Variants in ANKAR observed in about 807,000 individuals in gnomAD.
ANKAR encodes ankyrin and armadillo repeat containing.
Under a neutral mutation model 146.2 loss-of-function variants are expected in ANKAR, and 136 were observed. The observed-to-expected ratio is 0.93, with a 90% CI of 0.81 to 1.07. The LOEUF is 1.07. Among genes scored for constraint, ANKAR ranks in the 50% least tolerant of loss-of-function variants. The probability of loss-of-function intolerance (pLI) is 0.00; values close to 1 mark genes in which losing one functional copy is unlikely to be tolerated. For synonymous variants in ANKAR, 500 were observed against 575.8 expected, an observed-to-expected ratio of 0.87 and a Z score of 1.88; for missense variants, 1,567 against 1,679.9, an observed-to-expected ratio of 0.93 and a Z score of 1.18.
intron 20 of ANKAR, among the ~76,000 whole-genome samples, 162 bp downstream of exon 20, chr2:189,741,613 G>T (rs1217859758): frequency 6.6e-6 from 1 of 151,868 alleles, no homozygotes; most frequent in African/African-American, 2.4e-5. Context: ...ATATAATATA[G>T]TTCTTGTTAC....
chr2:189,753,183 G>T (rs2045555152), intron 18 of ANKAR: 2 of 341,908 alleles, frequency 5.8e-6, no homozygotes. Context: ...AACATTACTA[G>T]CATTTTTGTA....
chr2:189,746,358 T>C (rs13002216), intron 22 of ANKAR, 22 bp from the exon 23 acceptor site: 1,129,359 of 1,587,486 alleles, frequency 0.71, 412,560 homozygotes, highest in South Asian at 0.76. Flanking sequence ...AGGAGAGACA[T>C]TTAATTGTGG....
intron 8 of ANKAR, 128 bp from the exon 9 acceptor site, chr2:189,706,810 A>T: frequency 1.5e-6 from 1 of 649,870 alleles, no homozygotes; most frequent in Non-Finnish European, 2.6e-6. Flanking sequence ...AATACGGAAG[A>T]TGAGAATTCC....
chr2:189,733,522 C>T (rs2042589761), intron 17 of ANKAR, among the ~76,000 whole-genome samples: 1 of 152,172 alleles, frequency 6.6e-6, no homozygotes, highest in Non-Finnish European at 1.5e-5. Context: ...TATGCCCTTT[C>T]AGCCCTCAGT....
intron 2 of ANKAR, among the ~76,000 whole-genome samples, chr2:189,682,565 C>T (rs755127065): frequency 8.5e-5 from 13 of 152,170 alleles, no homozygotes; most frequent in Non-Finnish European, 1.8e-4. Flanking sequence ...GGCCAATGGT[C>T]AGACTCTAAG....
intron 3 of ANKAR, among the ~76,000 whole-genome samples, chr2:189,691,351 C>G (rs534107432): frequency 1.3e-5 from 2 of 152,058 alleles, no homozygotes; most frequent in Non-Finnish European, 2.9e-5. Flanking sequence ...CCGCCGCGCC[C>G]GGGAGAGAAA....
chr2:189,759,494 C>T (rs2106070758), intron 18 of ANKAR, among the ~76,000 whole-genome samples: 1 of 152,286 alleles, frequency 6.6e-6, no homozygotes, highest in South Asian at 2.1e-4. Flanking sequence ...TCATGGTCCA[C>T]TTGCCTCGGC....
At chr2:189,757,701 G>A (rs1254839396) in intron 18 of ANKAR, among the ~76,000 whole-genome samples, 1 of 152,176 alleles carries the variant, frequency 6.6e-6, no homozygotes, top group Non-Finnish European at 1.5e-5. Context: ...CCACTTATAT[G>A]GTGAGCTGTT....
At chr2:189,738,193 C>A (rs1437821585) in intron 18 of ANKAR, among the ~76,000 whole-genome samples, 1 of 152,126 alleles carries the variant, frequency 6.6e-6, no homozygotes, top group African/African-American at 2.4e-5. Flanking sequence ...AACTGCAAAT[C>A]TTTAGTTGAT....
At position 189,728,413 on chromosome 2, in the gene ANKAR, G is replaced by A; in HGVS notation, c.3024G>A (p.Gln1008=). Residue 1008 remains glutamine, a synonymous_variant, in exon 14 of 23, where the codon CAG becomes CAA. Transcript: ENST00000684021. ...TTTTGTCACCATCAGCTAAAATGCA[G>A]TATGTTGGTAAGTTATTTTCCTTAT... ...NMLLSPSAKM[Q]YVGGEAVIAL... is the part of the protein sequence containing the mutation. 1 of 1,593,156 alleles carries A rather than the reference G, an allele frequency of 6.3e-7. No individual in the cohort carries two copies. Among genetic ancestry groups the A allele is most frequent in the East Asian group, 2.2e-5 (1 of 44,692 alleles).
At chr2:189,698,484 G>A (rs573968507) in intron 7 of ANKAR, among the ~76,000 whole-genome samples, 2 of 152,208 alleles carry the variant, frequency 1.3e-5, no homozygotes, top group Admixed American at 1.3e-4. Flanking sequence ...TTTGACTGAG[G>A]TAGTAGACTT....
chr2:189,744,682 AT>A (rs113178256), intron 21 of ANKAR, 59 bp from the exon 22 acceptor site: 2 of 1,263,108 alleles, frequency 1.6e-6, no homozygotes, highest in Admixed American at 3.7e-5. Flanking sequence ...TTCTTCATAT[AT>A]TTTTTCTGGG....
chr2:189,730,987 A>T (rs984981187), intron 16 of ANKAR, among the ~76,000 whole-genome samples: 2 of 152,206 alleles, frequency 1.3e-5, no homozygotes, highest in African/African-American at 4.8e-5. Context: ...TGTGACTTAT[A>T]TGGGAATATT....
downstream of ANKAR, among the ~76,000 whole-genome samples, chr2:189,748,424 A>G (rs748515552): frequency 1.3e-5 from 2 of 152,086 alleles, no homozygotes; most frequent in African/African-American, 2.4e-5. Context: ...GGTCTCTGCT[A>G]TGTTGCCCAG....
At chr2:189,715,909 C>T (rs2040401086) in intron 10 of ANKAR, among the ~76,000 whole-genome samples, 1 of 152,156 alleles carries the variant, frequency 6.6e-6, no homozygotes, top group Non-Finnish European at 1.5e-5. Context: ...TAAAAACTCT[C>T]AATAAACTAG....
intron 19 of ANKAR, 24 bp from the exon 20 acceptor site, chr2:189,741,318 G>A (rs2043310238): frequency 1.3e-6 from 2 of 1,524,754 alleles, no homozygotes; most frequent in Non-Finnish European, 1.8e-6. Flanking sequence ...AATAACACAA[G>A]CATTTTTCTT....
chr2:189,741,281 G>C, intron 19 of ANKAR, 61 bp from the exon 20 acceptor site: 1 of 1,285,866 alleles, frequency 7.8e-7, no homozygotes, highest in Non-Finnish European at 1.1e-6. Context: ...TGCAATTAAT[G>C]AAAGTATTAT....
chr2:189,691,885 C>CAAAATGCTGGGATTA (rs2036467869), intron 3 of ANKAR, among the ~76,000 whole-genome samples: 1 of 151,850 alleles, frequency 6.6e-6, no homozygotes, highest in Admixed American at 6.6e-5. Context: ...CCTCAGCCTC[C>CAAAATGCTGGGATTA]CAAGTAACTG....
intron 12 of ANKAR, among the ~76,000 whole-genome samples, chr2:189,723,646 T>C (rs2105803998): frequency 6.6e-6 from 1 of 152,310 alleles, no homozygotes; most frequent in Non-Finnish European, 1.5e-5. Flanking sequence ...CTGAAAACTT[T>C]GGAATTATGA....
Sources: gnomAD v4.1 joint callset for allele counts (sites outside exome capture counted in the v4.1 genomes callset) on GRCh38, gnomAD v4.1.1 for gene constraint, MANE v1.5 for transcripts, NCBI Gene and HGNC (gene_info 2026-07-23, HGNC 2026-07-21) for gene names.